The following RABGEF1 variants were observed in gnomAD, a reference collection of about 807,000 sequenced individuals.
The protein encoded by RABGEF1 is rab5 GDP/GTP exchange factor.
A neutral mutation model predicts 57.3 loss-of-function variants in RABGEF1; 26 were observed. The ratio of observed to expected loss-of-function variants is 0.45; its 90% CI spans 0.33 to 0.63. RABGEF1 has a LOEUF of 0.63. Ranked by LOEUF, RABGEF1 falls within the 20% of genes least tolerant of loss-of-function variation. The probability of loss-of-function intolerance (pLI) is 0.02; values close to 1 mark genes in which losing one functional copy is unlikely to be tolerated. For missense variants in RABGEF1, 464 were observed against 607.6 expected, an observed-to-expected ratio of 0.76 and a Z score of 2.48; for synonymous variants, 185 against 210.7, an observed-to-expected ratio of 0.88 and a Z score of 1.06.
chr7:66,692,685 C>T (rs1018025496), intron 1 of RABGEF1, among the ~76,000 whole-genome samples: 6 of 151,268 alleles, frequency 4.0e-5, no homozygotes, highest in African/African-American at 9.7e-5. Flanking sequence ...CTTCCCCACC[C>T]GCCTCCCACC....
intron 7 of RABGEF1, 108 bp from the exon 8 acceptor site, chr7:66,805,032 G>A: frequency 8.2e-7 from 1 of 1,218,792 alleles, no homozygotes; most frequent in Non-Finnish European, 1.1e-6. Flanking sequence ...GCTGGAAAAG[G>A]GGTTAATAAG....
In RABGEF1 at chr7:66,766,710, CTTATTTAT is replaced by C. The variant is rs59017193; in HGVS notation, c.-17-5150_-17-5143del. ...CGTCTTTCCATTCCCACTGTTACCTCTTATTTATTTATTTATTTATTTATTTATTTTCG... is the reference window on the plus strand; with the variant it reads ...CGTCTTTCCATTCCCACTGTTACCTCTTATTTATTTATTTATTTATTTTCG... On this transcript the variant is annotated intron_variant, in intron 1 of 8. Transcript: ENST00000284957. Among the ~76,000 whole-genome samples the C allele has an allele frequency of 2.5e-4, 38 of 149,350 alleles. No individual in the cohort carries two copies. In the South Asian group the frequency reaches 3.4e-3, roughly 13 times the overall value.
chr7:66,788,501 T>G (rs1262452224), intron 4 of RABGEF1, among the ~76,000 whole-genome samples: 1 of 152,020 alleles, frequency 6.6e-6, no homozygotes, highest in Non-Finnish European at 1.5e-5. Flanking sequence ...GGTTTCTCAA[T>G]TCAGTTATTT....
intron 1 of RABGEF1, among the ~76,000 whole-genome samples, chr7:66,702,852 G>GT (rs776703804): frequency 9.2e-5 from 14 of 151,958 alleles, no homozygotes; most frequent in African/African-American, 1.7e-4. Context: ...AGTTTTGAGA[G>GT]TTTTTTATAT....
chr7:66,772,047 C>G lies in RABGEF1; in HGVS notation c.148C>G (p.Gln50Glu), dbSNP rs1451035640. 2 of 1,572,782 alleles carry G rather than the reference C, an allele frequency of 1.3e-6. No homozygotes were observed. The highest frequency in any genetic ancestry group is 1.7e-6 in the Non-Finnish European group (2 of 1,160,488). ...AGAGTACCACAAAGCCAGGCAGAAG[C>G]AGATTCAGGAGGACTGGGAGCTGGC... ...REEYHKARQK[Q>E]IQEDWELAER... The change falls in exon 2 of 9, where the codon CAG becomes GAG. Residue 50 changes from glutamine (Q) to glutamate (E), a missense_variant. Physicochemically the swap from Gln to Glu is conservative, Grantham distance 29. This residue lies in a region of RABGEF1 where 12 missense variants were observed against 46.0 expected (regional missense o/e 0.26). Transcript: ENST00000284957.
chr7:66,656,210 G>GT, the RABGEF1 span, among the ~76,000 whole-genome samples: 1 of 152,156 alleles, frequency 6.6e-6, no homozygotes. Context: ...TCAACTGCCT[G>GT]TGCTCAAGGG....
At chr7:66,785,417 G>A (rs1291369135) in intron 4 of RABGEF1, among the ~76,000 whole-genome samples, 1 of 152,188 alleles carries the variant, frequency 6.6e-6, no homozygotes, top group African/African-American at 2.4e-5. Context: ...TAAACTGAAT[G>A]TCCCTAGAGA....
chr7:66,799,507 A>G lies in RABGEF1; in HGVS notation c.820+93A>G, dbSNP rs1217978281. ...TCATCTATACATTTGTAAAATGCAG[A>G]TTGTCGAAGGTACATTGGAATGTAG... On this transcript the variant is annotated intron_variant, in intron 7 of 8. Coordinates refer to ENST00000284957, the MANE Select transcript of RABGEF1 (RefSeq NM_014504.3). 3 of 1,054,116 alleles carry G rather than the reference A, an allele frequency of 2.8e-6. No individual in the cohort carries two copies. In the African/African-American group the frequency reaches 4.8e-5, roughly 17 times the overall value. The allele number at this position is 1,054,116 out of a possible 1,614,324, so 65.3% of individuals were successfully genotyped here.
chr7:66,657,922 A>T, the RABGEF1 span, among the ~76,000 whole-genome samples: 2 of 152,218 alleles, frequency 1.3e-5, no homozygotes. Context: ...GCTAACCCCA[A>T]CCTAGCAGAA....
At chr7:66,710,820 G>T (rs1466500999) in intron 1 of RABGEF1, among the ~76,000 whole-genome samples, 1 of 151,962 alleles carries the variant, frequency 6.6e-6, no homozygotes, top group African/African-American at 2.4e-5. Context: ...CTTTCTTGGG[G>T]CTGAGCACAG....
intron 6 of RABGEF1, 133 bp from the exon 7 acceptor site, chr7:66,799,190 C>A (rs1210377908): frequency 1.6e-5 from 10 of 617,472 alleles, no homozygotes; most frequent in Admixed American, 9.1e-5. Context: ...GTAGTACTTG[C>A]AGGGGTGATG....
intron 7 of RABGEF1, among the ~76,000 whole-genome samples, chr7:66,801,983 C>T (rs1030615663): frequency 5.9e-5 from 9 of 152,232 alleles, no homozygotes; most frequent in African/African-American, 2.4e-5. Flanking sequence ...GATCATGGCT[C>T]ACTGCAGCCT....
At chr7:66,782,752 C>T (rs1810250263) in intron 3 of RABGEF1, among the ~76,000 whole-genome samples, 2 of 151,848 alleles carry the variant, frequency 1.3e-5, no homozygotes, top group Non-Finnish European at 2.9e-5. Flanking sequence ...TGCCACTGCA[C>T]TCCAGCCTGG....
chr7:66,763,315 G>A lies in RABGEF1; in HGVS notation c.-17-8568G>A, dbSNP rs549181575. 3.0e-4 allele frequency among the ~76,000 whole-genome samples: 45 copies of A among 152,352 alleles called. 1 individual carries two copies. In the South Asian group the frequency reaches 8.7e-3, roughly 29 times the overall value. On this transcript the variant is annotated intron_variant, in intron 1 of 8. Coordinates refer to ENST00000284957, the MANE Select transcript of RABGEF1 (RefSeq NM_014504.3). ...TGATAGAGAGAGTCTCCTTCCAGAT[G>A]CACTCGTGTTGGCAGAATTCATTTT...
intron 2 of RABGEF1, among the ~76,000 whole-genome samples, chr7:66,715,481 C>A (rs181492304): frequency 2.9e-4 from 44 of 152,210 alleles, no homozygotes; most frequent in African/African-American, 1.1e-3. Context: ...TTTAATTTGG[C>A]GGCATCGTGT....
intron 1 of RABGEF1, among the ~76,000 whole-genome samples, chr7:66,743,051 T>C (rs1053370636): frequency 2.0e-5 from 3 of 152,174 alleles, no homozygotes; most frequent in African/African-American, 7.2e-5. Flanking sequence ...GGCTCACGCC[T>C]GTAATCCCAG....
At chr7:66,745,845 A>G (rs1800099834) in intron 1 of RABGEF1, among the ~76,000 whole-genome samples, 1 of 151,650 alleles carries the variant, frequency 6.6e-6, no homozygotes, top group African/African-American at 2.4e-5. Flanking sequence ...CTATAATACC[A>G]GTGCTTTGGG....
At chr7:66,705,937 C>T (rs1794011708) in intron 1 of RABGEF1, among the ~76,000 whole-genome samples, 2 of 128,876 alleles carry the variant, frequency 1.6e-5, no homozygotes, top group Admixed American at 9.3e-5. Flanking sequence ...GCTTTGTCGC[C>T]CAGGCCGGAC....
chr7:66,808,964 T>G lies in RABGEF1; in HGVS notation c.1156T>G (p.Ser386Ala). The G allele has an allele frequency of 6.2e-7, 1 of 1,614,098 alleles. No homozygotes were observed. Among genetic ancestry groups the G allele is most frequent in the East Asian group, 2.2e-5 (1 of 44,874 alleles). Residue 386 changes from serine to alanine, a missense_variant, in exon 9 of 9, where the codon TCT (serine) becomes GCT (alanine). Ser to Ala is a moderately conservative substitution (Grantham distance 99, BLOSUM62 1). Coordinates refer to ENST00000284957, the MANE Select transcript of RABGEF1 (RefSeq NM_014504.3). ...LSQEDFDRYM[S>A]GQTSPRKQEA... is the part of the protein sequence containing the mutation. ...TCAGGAGGATTTTGATCGCTACATG[T>G]CTGGCCAGACCTCTCCCAGGAAGCA...
Sources: gnomAD v4.1 joint callset for allele counts (sites outside exome capture counted in the v4.1 genomes callset) on GRCh38, gnomAD v4.1.1 for gene constraint, gnomAD v4.1.1 regional missense constraint, MANE v1.5 for transcripts, NCBI Gene and HGNC (gene_info 2026-07-23, HGNC 2026-07-21) for gene names.